VPS53: variants seen among roughly 807,000 people sequenced by gnomAD.
VPS53 encodes the protein VPS53 subunit of GARP complex, also known as vacuolar protein sorting-associated protein 53 homolog.
A neutral mutation model predicts 107.0 loss-of-function variants in VPS53; 70 were observed. The observed-to-expected ratio is 0.65, with a 90% CI of 0.54 to 0.80. The LOEUF is 0.80. Among genes scored for constraint, VPS53 ranks in the 30% least tolerant of loss-of-function variants. The pLI is 0.00. For synonymous variants in VPS53, 409 were observed against 393.3 expected (o/e 1.04, Z -0.47); for missense variants, 917 against 1,049.4 (o/e 0.87, Z 1.74).
chr17:711,971 C>T (rs898277685), intron 1 of VPS53, among the ~76,000 whole-genome samples: 6 of 152,116 alleles, frequency 3.9e-5, no homozygotes, highest in African/African-American at 1.2e-4. Flanking sequence ...CGCTCGCCAC[C>T]ATACCCGGCT....
intron 12 of VPS53, among the ~76,000 whole-genome samples, chr17:594,895 C>T (rs1333862060): frequency 1.4e-5 from 1 of 69,336 alleles, no homozygotes; most frequent in Non-Finnish European, 3.3e-5. Context: ...CTAGTGTCCC[C>T]CTGGAGGAAG....
In VPS53 at chr17:509,737, C is replaced by T; in HGVS notation, c.*9391G>A. 6.5e-6 allele frequency: 1 copy of T among 154,286 alleles called. No individual in the cohort carries two copies. The highest frequency in any genetic ancestry group is 1.4e-5 in the Non-Finnish European group (1 of 73,440). 9.6% of individuals were successfully genotyped at this position (154,286 alleles called of 1,614,324 possible). On this transcript the variant is annotated 3_prime_UTR_variant, in exon 22 of 22. Coordinates refer to ENST00000437048, the MANE Select transcript of VPS53 (RefSeq NM_001128159.3). ...ACGTATTGAATCCTGGCTCACCCCT[C>T]ACTTGTCACGTATTGAATCCTGGCT...
intron 5 of VPS53, among the ~76,000 whole-genome samples, chr17:656,576 G>T (rs566336639): frequency 6.6e-6 from 1 of 152,252 alleles, no homozygotes; most frequent in African/African-American, 2.4e-5. Flanking sequence ...CTGTCTCTGG[G>T]AATGCAAGTA....
intron 11 of VPS53, among the ~76,000 whole-genome samples, chr17:605,435 T>C (rs750983630): frequency 1.3e-5 from 2 of 150,354 alleles, no homozygotes; most frequent in African/African-American, 4.9e-5. Flanking sequence ...CTGGAAAGCA[T>C]ATGGTGAGTC....
Position 519,375 on chromosome 17 carries a change from T to C in VPS53, c.2329-77A>G. On this transcript the variant is annotated intron_variant, in intron 21 of 21. Transcript: ENST00000437048. The surrounding 1 kb of genome is among the most constrained non-coding windows in gnomAD (Gnocchi z 5.0). ...CACGGGGGACAGCGCAGTATCTGGA[T>C]ATGGGGTCAGCAGAGGCTCTGGAGA... 1 of 1,378,836 alleles carries C rather than the reference T, an allele frequency of 7.3e-7. No homozygotes were observed. The allele number at this position is 1,378,836 out of a possible 1,614,324, so 85.4% of individuals were successfully genotyped here.
chr17:567,413 G>C (rs1388252468), intron 13 of VPS53, among the ~76,000 whole-genome samples: 1 of 152,108 alleles, frequency 6.6e-6, no homozygotes, highest in Non-Finnish European at 1.5e-5. Context: ...TCAGTAGCCA[G>C]TATTTCACAG....
At chr17:628,391 G>A (rs1340267469) in intron 8 of VPS53, among the ~76,000 whole-genome samples, 160 bp from the exon 9 acceptor site, 5 of 152,126 alleles carry the variant, frequency 3.3e-5, no homozygotes, top group Non-Finnish European at 7.3e-5. Context: ...GTTACCTGCT[G>A]CTCCTCGAGG....
intron 18 of VPS53, among the ~76,000 whole-genome samples, chr17:535,941 G>A (rs1175121359): frequency 6.6e-6 from 1 of 152,102 alleles, no homozygotes; most frequent in Non-Finnish European, 1.5e-5. Flanking sequence ...ATCACCAGCT[G>A]GGGCCTGGAT....
chr17:683,741 T>C (rs1972485697), intron 4 of VPS53, among the ~76,000 whole-genome samples: 1 of 152,218 alleles, frequency 6.6e-6, no homozygotes, highest in African/African-American at 2.4e-5. Flanking sequence ...CACACGCCAA[T>C]AGCCTCCGGC....
intron 13 of VPS53, among the ~76,000 whole-genome samples, chr17:572,432 C>A (rs376767293): frequency 0.13 from 9,424 of 70,700 alleles, 2 homozygotes; most frequent in Middle Eastern, 0.27. Flanking sequence ...GCCCCCCGCC[C>A]GGCCAGCCGC....
intron 4 of VPS53, among the ~76,000 whole-genome samples, chr17:667,654 CT>C (rs1486385307): frequency 9.5e-5 from 2 of 20,974 alleles, no homozygotes; most frequent in Non-Finnish European, 1.9e-4. Context: ...ACATAATGTT[CT>C]GGGGGGGGGG....
chr17:560,663 G>GGGA, intron 14 of VPS53, 90 bp from the exon 15 acceptor site: 1 of 1,478,650 alleles, frequency 6.8e-7, no homozygotes, highest in Non-Finnish European at 9.1e-7. Context: ...ACAGAAAAGG[G>GGGA]GGAAGTAAAG....
intron 4 of VPS53, among the ~76,000 whole-genome samples, chr17:691,989 GT>G (rs1811574124): frequency 6.6e-6 from 1 of 152,164 alleles, no homozygotes; most frequent in African/African-American, 2.4e-5. Flanking sequence ...CCACAGGTAA[GT>G]GGGGACGACT....
At chr17:658,799 G>A (rs960557098) in intron 5 of VPS53, among the ~76,000 whole-genome samples, 3 of 152,062 alleles carry the variant, frequency 2.0e-5, no homozygotes, top group African/African-American at 4.8e-5. Context: ...CCGTGAGTTC[G>A]TGGATAGATA....
intron 19 of VPS53, among the ~76,000 whole-genome samples, chr17:530,832 C>T (rs1319802973): frequency 2.0e-5 from 3 of 152,160 alleles, no homozygotes; most frequent in Admixed American, 6.5e-5. Context: ...CTCGAGGACT[C>T]TGGGGCCCAA....
Position 546,327 on chromosome 17 carries a change from T to TCA in VPS53, c.1866+5544_1866+5545insTG, listed in dbSNP as rs888241748. ...GGATCAGGCAATGGTATCTTAGATA[T>TCA]CTCACACACACACACACACACACAC... is the stretch of plus-strand genomic sequence containing the variant. On this transcript the variant is annotated intron_variant, in intron 17 of 21. Transcript: ENST00000437048. Among the ~76,000 whole-genome samples the TCA allele has an allele frequency of 6.1e-3, 567 of 93,186 alleles. 10 individuals carry two copies. The highest frequency in any genetic ancestry group is 0.022 in the African/African-American group (505 of 23,202). The allele number at this position is 93,186 out of a possible 152,430, so 61.1% of individuals were successfully genotyped here.
chr17:580,232 A>G (rs1160403068), intron 13 of VPS53, among the ~76,000 whole-genome samples: 3 of 150,730 alleles, frequency 2.0e-5, no homozygotes, highest in Non-Finnish European at 4.4e-5. Context: ...CTCAGAAACT[A>G]ATGCGTTCCC....
chr17:670,139 G>A (rs1971875535), intron 4 of VPS53, among the ~76,000 whole-genome samples: 1 of 152,090 alleles, frequency 6.6e-6, no homozygotes, highest in Non-Finnish European at 1.5e-5. Flanking sequence ...GCATCCTAAA[G>A]TGTTATAAAG....
chr17:679,083 A>G (rs1972285254), intron 4 of VPS53, among the ~76,000 whole-genome samples: 1 of 152,254 alleles, frequency 6.6e-6, no homozygotes, highest in Admixed American at 6.5e-5. Flanking sequence ...ATATAAAGGT[A>G]CAGAGTAATG....
Sources: gnomAD v4.1 joint callset for allele counts (sites outside exome capture counted in the v4.1 genomes callset) on GRCh38, gnomAD v4.1.1 for gene constraint, Gnocchi (gnomAD v3.1) non-coding constraint, MANE v1.5 for transcripts, NCBI Gene and HGNC (gene_info 2026-07-23, HGNC 2026-07-21) for gene names.